MMP16: variants seen among roughly 807,000 people sequenced by gnomAD.
The protein encoded by MMP16 is matrix metalloproteinase-16.
A neutral mutation model predicts 67.8 loss-of-function variants in MMP16; 12 were observed. The ratio of observed to expected loss-of-function variants is 0.18; its 90% CI spans 0.11 to 0.29. MMP16 has a LOEUF of 0.29. MMP16 is among the 10% of genes least tolerant of loss of function. The pLI is 1.00. For synonymous variants in MMP16, 249 were observed against 255.9 expected (o/e 0.97, Z 0.26); for missense variants, 475 against 765.7 (o/e 0.62, Z 4.48).
intron 1 of MMP16, among the ~76,000 whole-genome samples, chr8:88,288,868 A>C (rs1810875552): frequency 6.6e-6 from 1 of 152,224 alleles, no homozygotes; most frequent in Admixed American, 6.5e-5. Flanking sequence ...CACTCATTTT[A>C]TCTCTTCATT....
chr8:88,327,012 A>G, intron 1 of MMP16, 63 bp downstream of exon 1: 3 of 1,603,738 alleles, frequency 1.9e-6, no homozygotes, highest in South Asian at 1.1e-5. Flanking sequence ...CCCAGGAGTG[A>G]AGGAAATGTT....
intron 6 of MMP16, among the ~76,000 whole-genome samples, chr8:88,086,311 A>G (rs990872711): frequency 2.0e-5 from 3 of 151,932 alleles, no homozygotes; most frequent in African/African-American, 4.8e-5. Flanking sequence ...AGAATGCACC[A>G]CACATTACTG....
chr8:88,096,048 A>G (rs775519225), intron 6 of MMP16, among the ~76,000 whole-genome samples: 17 of 151,980 alleles, frequency 1.1e-4, no homozygotes, highest in Non-Finnish European at 2.4e-4. Context: ...TGCAATATTC[A>G]TTGTACAGAT....
At chr8:88,221,670 T>C (rs996061184) in intron 1 of MMP16, among the ~76,000 whole-genome samples, 2 of 151,912 alleles carry the variant, frequency 1.3e-5, no homozygotes, top group Non-Finnish European at 2.9e-5. Flanking sequence ...ACAGGATGAA[T>C]TAACACAACT....
In MMP16 at chr8:88,041,194, T is replaced by G; in HGVS notation, c.*267A>C. 3.0e-6 allele frequency: 1 copy of G among 329,906 alleles called. No homozygotes were observed. The highest frequency in any genetic ancestry group is 5.5e-6 in the Non-Finnish European group (1 of 182,166). The allele number at this position is 329,906 out of a possible 1,614,324, so 20.4% of individuals were successfully genotyped here. A position where few individuals can be genotyped will look rare whatever the true frequency, so the allele number is the denominator to read the frequency against. On this transcript the variant is annotated 3_prime_UTR_variant, in exon 10 of 10. Transcript: ENST00000286614. The surrounding 1 kb of genome is among the most constrained non-coding windows in gnomAD (Gnocchi z 6.0). ...GTTAATCCTGAAATTTTACTGGGCA[T>G]TGAGCGTGCAGAGGAAAGGCCTAGA...
chr8:88,227,982 C>G (rs1410390627), intron 1 of MMP16, among the ~76,000 whole-genome samples: 3 of 152,008 alleles, frequency 2.0e-5, no homozygotes, highest in Non-Finnish European at 4.4e-5. Context: ...TTGGCAATGA[C>G]TATGTACAGA....
chr8:88,164,085 G>C (rs777685495), intron 4 of MMP16, among the ~76,000 whole-genome samples: 1 of 152,066 alleles, frequency 6.6e-6, no homozygotes, highest in Non-Finnish European at 1.5e-5. Flanking sequence ...GGCAGCCTAA[G>C]ACACTGTTTA....
intron 1 of MMP16, among the ~76,000 whole-genome samples, chr8:88,248,171 A>G (rs986051956): frequency 6.6e-6 from 1 of 152,126 alleles, no homozygotes; most frequent in Non-Finnish European, 1.5e-5. Context: ...TAAAAGAAAG[A>G]TAATGCATTA....
At chr8:88,282,081 T>TGG (rs1482328745) in intron 1 of MMP16, among the ~76,000 whole-genome samples, 22 of 33,662 alleles carry the variant, frequency 6.5e-4, no homozygotes, top group Admixed American at 1.7e-3. Context: ...TTTTTCTTTT[T>TGG]TGGGGGGGGG....
intron 1 of MMP16, among the ~76,000 whole-genome samples, chr8:88,221,852 C>G (rs1211890839): frequency 6.6e-6 from 1 of 151,944 alleles, no homozygotes; most frequent in Non-Finnish European, 1.5e-5. Context: ...TCACTGAGAC[C>G]TATATGAAGT....
intron 1 of MMP16, among the ~76,000 whole-genome samples, chr8:88,230,130 G>T (rs560375195): frequency 1.3e-5 from 2 of 152,108 alleles, no homozygotes; most frequent in South Asian, 2.1e-4. Context: ...CTAGGACAAG[G>T]ATTCTCGAAC....
At chr8:88,237,671 ACAACAACAAC>A (rs1809965150) in intron 1 of MMP16, among the ~76,000 whole-genome samples, 3 of 9,368 alleles carry the variant, frequency 3.2e-4, no homozygotes, top group East Asian at 0.012. Flanking sequence ...AACAACAACA[ACAACAACAAC>A]AAAAAACAAC....
intron 8 of MMP16, among the ~76,000 whole-genome samples, chr8:88,052,201 T>C (rs765414981): frequency 1.3e-5 from 2 of 152,160 alleles, no homozygotes; most frequent in Non-Finnish European, 2.9e-5. Flanking sequence ...GGTGTATAAA[T>C]AGGCACCTCA....
At chr8:88,128,425 C>G (rs1014616684) in intron 4 of MMP16, among the ~76,000 whole-genome samples, 4 of 151,846 alleles carry the variant, frequency 2.6e-5, no homozygotes, top group African/African-American at 9.7e-5. Context: ...TTCCCTACAG[C>G]TTGACTAAAC....
At chr8:88,253,179 T>C (rs1359635046) in intron 1 of MMP16, among the ~76,000 whole-genome samples, 1 of 125,316 alleles carries the variant, frequency 8.0e-6, no homozygotes, top group Non-Finnish European at 1.9e-5. Flanking sequence ...TCATTACTAA[T>C]ATTTATTTAG....
intron 6 of MMP16, among the ~76,000 whole-genome samples, chr8:88,085,360 T>A (rs1355074984): frequency 6.6e-6 from 1 of 152,072 alleles, no homozygotes; most frequent in East Asian, 1.9e-4. Context: ...GGTATATAAA[T>A]GTTAGGGGAA....
At chr8:88,260,352 A>G (rs1054646728) in intron 1 of MMP16, among the ~76,000 whole-genome samples, 1 of 152,108 alleles carries the variant, frequency 6.6e-6, no homozygotes, top group African/African-American at 2.4e-5. Flanking sequence ...TTAAAACATA[A>G]GGCAAAAAAC....
chr8:88,114,533 T>C (rs1809396384), intron 6 of MMP16, among the ~76,000 whole-genome samples: 1 of 151,988 alleles, frequency 6.6e-6, no homozygotes, highest in Non-Finnish European at 1.5e-5. Flanking sequence ...ACATTCTTGA[T>C]GCCTAGGAAA....
At position 88,037,522 on chromosome 8, in the gene MMP16, C is replaced by G. The variant is rs1348739083; in HGVS notation, c.*3939G>C. The G allele has an allele frequency of 6.6e-6, 1 of 151,854 alleles. No individual in the cohort carries two copies. The highest frequency in any genetic ancestry group is 1.5e-5 in the Non-Finnish European group (1 of 67,858). 9.4% of individuals were successfully genotyped at this position (151,854 alleles called of 1,614,324 possible). A position where few individuals can be genotyped will look rare whatever the true frequency, so the allele number is the denominator to read the frequency against. The stretch of plus-strand genomic sequence containing the variant: ...AAAAGCCTTGCCCTCTGATTTATAA[C>G]AGAAGTTGTCTTTGCTAGTATCACA... On this transcript the variant is annotated 3_prime_UTR_variant, in exon 10 of 10. Transcript: ENST00000286614.
Sources: allele counts gnomAD v4.1 joint callset (sites outside exome capture counted in the v4.1 genomes callset), GRCh38; gene constraint gnomAD v4.1.1; non-coding constraint Gnocchi (gnomAD v3.1); transcripts MANE v1.5; gene names NCBI Gene and HGNC (gene_info 2026-07-23, HGNC 2026-07-21).